Variants in ANKRD44 observed in about 807,000 individuals in gnomAD.
The protein encoded by ANKRD44 is ankyrin repeat domain 44.
Under a neutral mutation model 116.0 loss-of-function variants are expected in ANKRD44, and 35 were observed. That is an observed-to-expected ratio of 0.30 (90% CI 0.23 to 0.40). The LOEUF (loss-of-function observed/expected upper bound fraction) is 0.40, where lower values mean the gene tolerates loss of function less well. Among genes scored for constraint, ANKRD44 ranks in the 10% least tolerant of loss-of-function variants. The probability of loss-of-function intolerance (pLI) is 1.00; values close to 1 mark genes in which losing one functional copy is unlikely to be tolerated. For synonymous variants in ANKRD44, 435 were observed against 461.8 expected (o/e 0.94, Z 0.74); for missense variants, 1,014 against 1,242.6 (o/e 0.82, Z 2.77).
intron 1 of ANKRD44, among the ~76,000 whole-genome samples, chr2:197,215,111 C>T (rs2125708375): frequency 6.6e-6 from 1 of 152,202 alleles, no homozygotes; most frequent in Non-Finnish European, 1.5e-5. Context: ...CCTGGCCTCA[C>T]ATGATCCTCC....
rs137865968 is a variant in ANKRD44, at chr2:197,072,585, A to C, written c.1650+6118T>G. Among the ~76,000 whole-genome samples, 933 of 152,376 alleles carry C rather than the reference A, an allele frequency of 6.1e-3. 5 individuals are homozygous for C. The highest frequency in any genetic ancestry group is 9.4e-3 in the Non-Finnish European group (642 of 68,036). ...TAAAAATTAGCATTGATGTTTTATC[A>C]CTAAATAAAGCTTAGTCACTCACAG... is the stretch of plus-strand genomic sequence containing the variant. On this transcript the variant is annotated intron_variant, in intron 16 of 27. Transcript: ENST00000282272.
At chr2:197,077,178 G>A (rs1242569988) in intron 16 of ANKRD44, among the ~76,000 whole-genome samples, 1 of 152,072 alleles carries the variant, frequency 6.6e-6, no homozygotes. Flanking sequence ...GTTATTTTTT[G>A]ACTTTTTATT....
chr2:197,015,129 T>G (rs1455589995), intron 17 of ANKRD44: 1 of 240,940 alleles, frequency 4.2e-6, no homozygotes, highest in Non-Finnish European at 8.4e-6. Context: ...TCCAGGGGCT[T>G]TGGTTTTGTG....
At chr2:197,149,576 C>T (rs2079588799) in intron 2 of ANKRD44, among the ~76,000 whole-genome samples, 1 of 152,178 alleles carries the variant, frequency 6.6e-6, no homozygotes, top group Non-Finnish European at 1.5e-5. Context: ...ATGGCACAGA[C>T]AGGTAACTGC....
At chr2:197,021,257 T>C (rs113652338) in intron 17 of ANKRD44, among the ~76,000 whole-genome samples, 2 of 152,360 alleles carry the variant, frequency 1.3e-5, no homozygotes, top group African/African-American at 4.8e-5. Context: ...ACAATAAACA[T>C]ACATGTGCAT....
intron 1 of ANKRD44, among the ~76,000 whole-genome samples, chr2:197,272,008 A>C (rs2082911254): frequency 6.6e-6 from 1 of 152,190 alleles, no homozygotes; most frequent in Non-Finnish European, 1.5e-5. Context: ...TAGAAGTTGG[A>C]GCCTTTGGGA....
intron 1 of ANKRD44, among the ~76,000 whole-genome samples, chr2:197,281,542 T>C (rs1277647084): frequency 6.6e-6 from 1 of 152,104 alleles, no homozygotes; most frequent in African/African-American, 2.4e-5. Context: ...TTACATCATA[T>C]CTCCTTTTTG....
At chr2:197,216,869 A>AACACAC (rs61641385) in intron 1 of ANKRD44, among the ~76,000 whole-genome samples, 35,321 of 139,610 alleles carry the variant, frequency 0.25, 4,686 homozygotes, top group Middle Eastern at 0.36. Flanking sequence ...ACATTGGTTA[A>AACACAC]ACACACACAC....
At chr2:197,106,734 G>A (rs1180670033) in intron 9 of ANKRD44, among the ~76,000 whole-genome samples, 3 of 151,456 alleles carry the variant, frequency 2.0e-5, no homozygotes, top group Non-Finnish European at 4.4e-5. Flanking sequence ...AGCTTGCAGT[G>A]AGCTGAGATG....
chr2:197,189,684 G>A (rs995841254), intron 1 of ANKRD44, among the ~76,000 whole-genome samples: 2 of 152,198 alleles, frequency 1.3e-5, no homozygotes, highest in African/African-American at 4.8e-5. Context: ...AAGAAAACAA[G>A]CAACAAACCT....
chr2:197,235,964 A>C (rs980600608), intron 1 of ANKRD44, among the ~76,000 whole-genome samples: 1 of 152,184 alleles, frequency 6.6e-6, no homozygotes, highest in Non-Finnish European at 1.5e-5. Context: ...TTTGTTATAT[A>C]GTCATAAAAC....
At position 197,083,431 on chromosome 2, in the gene ANKRD44, A is replaced by G; in HGVS notation, c.1395T>C (p.Asn465=). 6.2e-7 allele frequency: 1 copy of G among 1,614,030 alleles called. No individual in the cohort carries two copies. The highest frequency in any genetic ancestry group is 8.5e-7 in the Non-Finnish European group (1 of 1,179,944). The change falls in exon 14 of 28, where the codon AAT becomes AAC. Residue 465 remains asparagine, a synonymous_variant. Coordinates refer to ENST00000282272, the MANE Select transcript of ANKRD44 (RefSeq NM_001195144.2). ...ETLVTTGANV[N]ETDDWGRTAL... is the part of the protein sequence containing the mutation. ...CTGTGCGTCCCCAGTCATCTGTTTC[A>G]TTAACGTTGGCCCCTGTGGTCACTA...
intron 16 of ANKRD44, among the ~76,000 whole-genome samples, chr2:197,056,625 A>G (rs2077208778): frequency 6.6e-6 from 1 of 152,158 alleles, no homozygotes; most frequent in Non-Finnish European, 1.5e-5. Context: ...ATAATGTTTT[A>G]TAGTTTTAAT....
chr2:197,135,148 G>A (rs2079187516), intron 4 of ANKRD44: 1 of 152,178 alleles, frequency 6.6e-6, no homozygotes, highest in Non-Finnish European at 1.5e-5. Flanking sequence ...CACCTAGCAA[G>A]TATATATTAA....
rs2076686269 is a variant in ANKRD44, at chr2:197,030,594, C to T, written c.1651-5327G>A. Among the ~76,000 whole-genome samples, 7 of 152,290 alleles carry T rather than the reference C, an allele frequency of 4.6e-5. No homozygotes were observed. The South Asian group carries it at 1.4e-3, about 32-fold the overall frequency. ...TGGCTGCTTTCTGATTCCTTATCTT[C>T]CTGATCATGGGGCAGAGGCAGCCCC... On this transcript the variant is annotated intron_variant, in intron 16 of 27. Transcript: ENST00000282272.
intron 21 of ANKRD44, among the ~76,000 whole-genome samples, chr2:196,977,479 T>A (rs2075768633): frequency 6.6e-6 from 1 of 152,196 alleles, no homozygotes; most frequent in African/African-American, 2.4e-5. Flanking sequence ...TCAGAATATA[T>A]AAATAATGCT....
intron 1 of ANKRD44, among the ~76,000 whole-genome samples, chr2:197,230,679 C>T (rs535608539): frequency 3.9e-5 from 6 of 152,266 alleles, no homozygotes; most frequent in South Asian, 2.1e-4. Context: ...CCTTCATCTC[C>T]GTAGTATCCC....
chr2:197,217,477 A>G (rs2081476798), intron 1 of ANKRD44, among the ~76,000 whole-genome samples: 1 of 152,222 alleles, frequency 6.6e-6, no homozygotes, highest in Non-Finnish European at 1.5e-5. Flanking sequence ...CTAGAGAAAG[A>G]GCAGTATTTG....
chr2:197,140,716 A>C (rs56413601), intron 3 of ANKRD44, among the ~76,000 whole-genome samples: 9,578 of 152,144 alleles, frequency 0.063, 403 homozygotes, highest in Middle Eastern at 0.12. Context: ...TGTTCTCACC[A>C]CACACACATC....
Sources: allele counts gnomAD v4.1 joint callset (sites outside exome capture counted in the v4.1 genomes callset), GRCh38; gene constraint gnomAD v4.1.1; transcripts MANE v1.5; gene names NCBI Gene and HGNC (gene_info 2026-07-23, HGNC 2026-07-21).